Variants in RIMS2 observed in about 807,000 individuals in gnomAD.
The protein encoded by RIMS2 is regulating synaptic membrane exocytosis 2.
A neutral mutation model predicts 174.4 loss-of-function variants in RIMS2; 59 were observed. That is an observed-to-expected ratio of 0.34 (90% CI 0.27 to 0.42). The LOEUF (loss-of-function observed/expected upper bound fraction) is 0.42. RIMS2 is among the 10% of genes least tolerant of loss of function. The pLI is 1.00. For synonymous variants in RIMS2, 606 were observed against 572.5 expected, an observed-to-expected ratio of 1.06 and a Z score of -0.84; for missense variants, 1,620 against 1,666.3, an observed-to-expected ratio of 0.97 and a Z score of 0.48.
intron 1 of RIMS2, among the ~76,000 whole-genome samples, chr8:103,526,403 T>A (rs1833995467): frequency 6.6e-6 from 1 of 152,190 alleles, no homozygotes; most frequent in African/African-American, 2.4e-5. Context: ...ACTTATAATG[T>A]CTTACATGGA....
At chr8:103,580,372 A>G (rs545228637) in intron 1 of RIMS2, among the ~76,000 whole-genome samples, 2 of 152,040 alleles carry the variant, frequency 1.3e-5, no homozygotes, top group South Asian at 2.1e-4. Context: ...AACCAAAATC[A>G]AGCAGAAGTA....
chr8:104,068,567 G>A (rs1000683838), intron 19 of RIMS2: 4 of 1,573,964 alleles, frequency 2.5e-6, no homozygotes, highest in African/African-American at 2.7e-5. Context: ...AATACAAACA[G>A]GTAGCCGGAT....
intron 1 of RIMS2, among the ~76,000 whole-genome samples, chr8:103,687,653 A>G (rs923541685): frequency 6.6e-6 from 1 of 152,122 alleles, no homozygotes; most frequent in African/African-American, 2.4e-5. Flanking sequence ...TCCTTTGACC[A>G]ACATCTCCCT....
At chr8:104,050,767 G>A (rs1057203767) in intron 19 of RIMS2, among the ~76,000 whole-genome samples, 3 of 152,112 alleles carry the variant, frequency 2.0e-5, no homozygotes, top group Non-Finnish European at 4.4e-5. Flanking sequence ...GAGTTGAAAT[G>A]AAAGAGTACA....
chr8:103,977,017 G>C (rs2093505321), intron 16 of RIMS2: 1 of 152,078 alleles, frequency 6.6e-6, no homozygotes, highest in Non-Finnish European at 1.5e-5. Flanking sequence ...GTACATACTT[G>C]GAATGTTTAA....
intron 19 of RIMS2, among the ~76,000 whole-genome samples, chr8:104,210,693 C>G (rs1368162275): frequency 6.6e-6 from 1 of 152,158 alleles, no homozygotes; most frequent in Non-Finnish European, 1.5e-5. Context: ...TGTGGAAATG[C>G]AGTATCACAG....
intron 19 of RIMS2, among the ~76,000 whole-genome samples, chr8:104,050,115 A>G (rs1276905316): frequency 6.6e-6 from 1 of 152,180 alleles, no homozygotes; most frequent in African/African-American, 2.4e-5. Flanking sequence ...TGGTTATTAT[A>G]TGGTATATTA....
intron 14 of RIMS2, among the ~76,000 whole-genome samples, chr8:103,953,466 A>G (rs2086087067): frequency 6.6e-6 from 1 of 152,152 alleles, no homozygotes; most frequent in African/African-American, 2.4e-5. Flanking sequence ...TAAAGAAAGG[A>G]TTTTTCAAGC....
intron 4 of RIMS2, among the ~76,000 whole-genome samples, chr8:103,905,326 C>T (rs1236241440): frequency 6.6e-6 from 1 of 151,858 alleles, no homozygotes; most frequent in African/African-American, 2.4e-5. Flanking sequence ...GAATGTATTT[C>T]TCATTCATTT....
chr8:103,711,996 A>G (rs762589352), intron 2 of RIMS2, among the ~76,000 whole-genome samples: 22 of 151,288 alleles, frequency 1.5e-4, no homozygotes, highest in Non-Finnish European at 2.9e-4. Flanking sequence ...TTTAGTTTTC[A>G]ATTTTTTTTT....
chr8:103,535,165 C>A lies in RIMS2; in HGVS notation c.176+34103C>A, dbSNP rs558814480. Among the ~76,000 whole-genome samples the A allele has an allele frequency of 3.3e-5, 5 of 152,322 alleles. No individual in the cohort carries two copies. In the South Asian group the frequency reaches 8.3e-4, roughly 25 times the overall value. On this transcript the variant is annotated intron_variant, in intron 1 of 23. Coordinates refer to ENST00000504942, the Ensembl canonical transcript of RIMS2. ...TTATCATCAGCTCTGAATGTCAGAA[C>A]TTTCTCTTTGTGAAATTTTATCCTA...
chr8:103,692,985 C>G (rs1020081457), intron 1 of RIMS2, among the ~76,000 whole-genome samples: 1 of 152,256 alleles, frequency 6.6e-6, no homozygotes, highest in Non-Finnish European at 1.5e-5. Context: ...GACTGCCTTT[C>G]AGGTTTATTT....
intron 2 of RIMS2, among the ~76,000 whole-genome samples, chr8:103,727,580 G>A (rs1488887551): frequency 6.6e-6 from 1 of 152,114 alleles, no homozygotes; most frequent in East Asian, 1.9e-4. Flanking sequence ...CTATCTGGTA[G>A]TAGTTTCATA....
At chr8:103,823,219 T>G (rs753535600) in intron 3 of RIMS2, among the ~76,000 whole-genome samples, 12 of 151,922 alleles carry the variant, frequency 7.9e-5, no homozygotes, top group Non-Finnish European at 1.2e-4. Flanking sequence ...TTATTTAGAG[T>G]AGATATTAAA....
intron 3 of RIMS2, among the ~76,000 whole-genome samples, chr8:103,798,047 A>T (rs1268340723): frequency 6.6e-6 from 1 of 152,146 alleles, no homozygotes; most frequent in Non-Finnish European, 1.5e-5. Context: ...TCCCAATGGA[A>T]TCATACTGCA....
chr8:104,131,896 A>G (rs942196677), intron 19 of RIMS2, among the ~76,000 whole-genome samples: 11 of 152,296 alleles, frequency 7.2e-5, no homozygotes, highest in African/African-American at 2.4e-4. Context: ...TAATAATACA[A>G]GCACTATAGA....
intron 20 of RIMS2, among the ~76,000 whole-genome samples, chr8:104,246,863 G>A (rs1377259899): frequency 2.0e-5 from 3 of 152,088 alleles, no homozygotes; most frequent in Admixed American, 1.3e-4. Context: ...TGGCAGGGGC[G>A]GGGGCAGCTT....
At chr8:103,935,441 T>G (rs1264220914) in intron 12 of RIMS2, among the ~76,000 whole-genome samples, 1 of 152,188 alleles carries the variant, frequency 6.6e-6, no homozygotes, top group African/African-American at 2.4e-5. Context: ...TCAAGTAAAA[T>G]CTATATTAAA....
chr8:104,117,218 A>G (rs1246737830), intron 19 of RIMS2, among the ~76,000 whole-genome samples: 4 of 152,104 alleles, frequency 2.6e-5, no homozygotes, highest in Non-Finnish European at 1.5e-5. Flanking sequence ...CACTTTGCAT[A>G]TATTAATAGT....
Sources: gnomAD v4.1 joint callset for allele counts (sites outside exome capture counted in the v4.1 genomes callset) on GRCh38, gnomAD v4.1.1 for gene constraint, MANE v1.5 for transcripts, NCBI Gene and HGNC (gene_info 2026-07-23, HGNC 2026-07-21) for gene names.